CEP162: variants seen among roughly 807,000 people sequenced by gnomAD.
CEP162 encodes the protein centrosomal protein 162, also known as centrosomal protein of 162 kDa.
A neutral mutation model predicts 169.2 loss-of-function variants in CEP162; 141 were observed. The observed-to-expected ratio is 0.83, with a 90% confidence interval of 0.73 to 0.96. The LOEUF is 0.96. Ranked by LOEUF, CEP162 falls within the 40% of genes least tolerant of loss-of-function variation. The pLI is 0.00. For synonymous variants in CEP162, 540 were observed against 526.4 expected, an observed-to-expected ratio of 1.03 and a Z score of -0.35; for missense variants, 1,600 against 1,587.2, an observed-to-expected ratio of 1.01 and a Z score of -0.14.
intron 25 of CEP162, among the ~76,000 whole-genome samples, chr6:84,130,894 C>T (rs145452870): frequency 0.024 from 3,669 of 152,180 alleles, 137 homozygotes; most frequent in African/African-American, 0.084. Context: ...TTGTCTTCTG[C>T]TAGCTTTTGA....
intron 13 of CEP162, among the ~76,000 whole-genome samples, chr6:84,181,156 T>C (rs115285495): frequency 0.012 from 1,855 of 151,528 alleles, 44 homozygotes; most frequent in African/African-American, 0.042. Flanking sequence ...AAAACAGAGA[T>C]AGAGACCAAT....
At chr6:84,204,480 T>C (rs578251486) in intron 6 of CEP162, among the ~76,000 whole-genome samples, 10 of 152,282 alleles carry the variant, frequency 6.6e-5, no homozygotes, top group African/African-American at 2.2e-4. Context: ...GAATGACTAC[T>C]GGGTAAATAA....
At chr6:84,220,603 C>A (rs911266503) in intron 3 of CEP162, among the ~76,000 whole-genome samples, 1 of 152,088 alleles carries the variant, frequency 6.6e-6, no homozygotes, top group African/African-American at 2.4e-5. Flanking sequence ...TCAGCCTGGG[C>A]ATATCATATA....
intron 19 of CEP162, among the ~76,000 whole-genome samples, chr6:84,162,257 C>T (rs1019047373): frequency 6.6e-5 from 10 of 152,034 alleles, no homozygotes; most frequent in Admixed American, 2.0e-4. Flanking sequence ...AAATGAAGAA[C>T]GCCCATAATT....
intron 7 of CEP162, among the ~76,000 whole-genome samples, chr6:84,202,514 C>A (rs1201146956): frequency 8.4e-6 from 1 of 118,970 alleles, no homozygotes; most frequent in Non-Finnish European, 1.8e-5. Context: ...TCTTTTCTTT[C>A]TTTCTTTTTT....
At chr6:84,216,409 T>G (rs1333450162) in intron 3 of CEP162, among the ~76,000 whole-genome samples, 1 of 152,108 alleles carries the variant, frequency 6.6e-6, no homozygotes, top group Non-Finnish European at 1.5e-5. Flanking sequence ...AAATATCATT[T>G]CAAAAAATAG....
chr6:84,221,258 C>T (rs140770477), intron 2 of CEP162, 87 bp from the exon 3 acceptor site: 69 of 678,768 alleles, frequency 1.0e-4, no homozygotes, highest in South Asian at 7.8e-4. Context: ...TCTATTAGTT[C>T]GCTCACAGTT....
chr6:84,175,936 A>T (rs1411111047), intron 13 of CEP162, among the ~76,000 whole-genome samples: 3 of 152,072 alleles, frequency 2.0e-5, no homozygotes, highest in Non-Finnish European at 4.4e-5. Flanking sequence ...AAAAAAAGTG[A>T]TTAATATATA....
chr6:84,166,270 T>C (rs1266218317), intron 18 of CEP162, among the ~76,000 whole-genome samples: 1 of 152,194 alleles, frequency 6.6e-6, no homozygotes, highest in East Asian at 1.9e-4. Context: ...CTCTAGCTTC[T>C]GGAAGGTAAC....
At position 84,185,416 on chromosome 6, in the gene CEP162, T is replaced by C. The variant is rs768630440; in HGVS notation, c.1434A>G (p.Glu478=). The C allele has an allele frequency of 1.2e-6, 2 of 1,613,368 alleles. No homozygotes were observed. The highest frequency in any genetic ancestry group is 1.7e-6 in the Non-Finnish European group (2 of 1,179,410). ...TYRSQLSSEE[E]GAVMGKQVPY... is the part of the protein sequence containing the mutation. ...GTACCTGTTTACCCATTACAGCCCC[T>C]TCTTCTTCAGAACTAAGTTGAGATC... Residue 478 remains glutamate, a synonymous_variant, in exon 13 of 27, where the codon GAA becomes GAG. Coordinates refer to ENST00000403245, the MANE Select transcript of CEP162 (RefSeq NM_014895.4).
At chr6:84,141,215 T>A (rs1387025318) in intron 25 of CEP162, among the ~76,000 whole-genome samples, 1 of 151,904 alleles carries the variant, frequency 6.6e-6, no homozygotes, top group Non-Finnish European at 1.5e-5. Context: ...TTAAAATGGG[T>A]ATACCTTTAA....
chr6:84,225,291 T>C (rs1441815399), intron 2 of CEP162, among the ~76,000 whole-genome samples: 1 of 152,204 alleles, frequency 6.6e-6, no homozygotes, highest in African/African-American at 2.4e-5. Context: ...GGCTATATGG[T>C]ATAGCTTATT....
At chr6:84,190,312 C>A (rs924461886) in intron 11 of CEP162, among the ~76,000 whole-genome samples, 2 of 152,150 alleles carry the variant, frequency 1.3e-5, no homozygotes, top group Non-Finnish European at 2.9e-5. Context: ...AGCGCCCTGA[C>A]AAAACAGGCC....
At chr6:84,201,007 G>T (rs867807187) in intron 8 of CEP162, 102 bp from the exon 9 acceptor site, 5 of 622,828 alleles carry the variant, frequency 8.0e-6, no homozygotes, top group East Asian at 3.2e-5. Flanking sequence ...GGCCGGGCGC[G>T]GTGGCTCACG....
intron 1 of CEP162, 105 bp from the exon 2 acceptor site, chr6:84,226,557 A>T (rs976894067): frequency 6.7e-6 from 4 of 593,438 alleles, no homozygotes; most frequent in Admixed American, 3.0e-5. Context: ...TATATGCACA[A>T]TTTTTTTTAA....
intron 9 of CEP162, among the ~76,000 whole-genome samples, chr6:84,197,829 A>AC (rs796453551): frequency 1.1e-4 from 15 of 137,548 alleles, no homozygotes; most frequent in African/African-American, 3.9e-4. Context: ...ACAAAACAAA[A>AC]AAAAAAAAAA....
chr6:84,153,128 A>G lies in CEP162; in HGVS notation c.3046T>C (p.Leu1016=), dbSNP rs1171693955. The G allele has an allele frequency of 1.2e-6, 2 of 1,609,860 alleles. No individual in the cohort carries two copies. The highest frequency in any genetic ancestry group is 2.2e-5 in the South Asian group (2 of 89,912). ...EQQEQLLACK[L]NQHDSPRIKA... The stretch of plus-strand genomic sequence containing the variant: ...ATTCTGGGAGAGTCATGTTGATTCA[A>G]TTTGCAGGCAAGTAGCTGCTCCTGC... Residue 1016 remains leucine, a synonymous_variant, in exon 23 of 27, where the codon TTG becomes CTG. Coordinates refer to ENST00000403245, the MANE Select transcript of CEP162 (RefSeq NM_014895.4).
At chr6:84,206,672 T>C (rs1285360174) in intron 6 of CEP162, among the ~76,000 whole-genome samples, 1 of 152,202 alleles carries the variant, frequency 6.6e-6, no homozygotes, top group Admixed American at 6.5e-5. Context: ...AAGGACTTCA[T>C]GTCTAAAACA....
intron 16 of CEP162, 24 bp downstream of exon 16, chr6:84,174,024 C>A (rs768917718): frequency 6.3e-7 from 1 of 1,594,438 alleles, no homozygotes; most frequent in Admixed American, 1.7e-5. Flanking sequence ...AGTAAATTTG[C>A]CATATGTTGA....
Sources: gnomAD v4.1 joint callset for allele counts (sites outside exome capture counted in the v4.1 genomes callset) on GRCh38, gnomAD v4.1.1 for gene constraint, MANE v1.5 for transcripts, NCBI Gene and HGNC (gene_info 2026-07-23, HGNC 2026-07-21) for gene names.